Variants in ITGA11 observed in about 807,000 individuals in gnomAD.
ITGA11 encodes the protein integrin subunit alpha 11.
ITGA11 carries 97 observed loss-of-function variants against 141.9 expected under a neutral mutation model. The observed-to-expected ratio is 0.68, with a 90% CI of 0.58 to 0.81. The LOEUF (loss-of-function observed/expected upper bound fraction) is 0.81, where lower values mean the gene tolerates loss of function less well. Among genes scored for constraint, ITGA11 ranks in the 30% least tolerant of loss-of-function variants. The pLI, the probability that ITGA11 is intolerant of heterozygous loss-of-function variation, is 0.00. For synonymous variants in ITGA11, 658 were observed against 624.6 expected (o/e 1.05, Z -0.80); for missense variants, 1,387 against 1,559.2 (o/e 0.89, Z 1.86).
At chr15:68,378,418 G>T (rs1057170967) in intron 2 of ITGA11, among the ~76,000 whole-genome samples, 1 of 152,156 alleles carries the variant, frequency 6.6e-6, no homozygotes, top group South Asian at 2.1e-4. Context: ...GGTGAGGCAG[G>T]AGCATCAATT....
chr15:68,332,253 A>T, intron 13 of ITGA11, 85 bp downstream of exon 13: 1 of 1,467,264 alleles, frequency 6.8e-7, no homozygotes, highest in Non-Finnish European at 9.2e-7. Flanking sequence ...TGGCCTCGCT[A>T]GTAACGCATT....
intron 7 of ITGA11, among the ~76,000 whole-genome samples, chr15:68,354,999 C>T (rs1194673385): frequency 4.6e-5 from 7 of 152,340 alleles, no homozygotes; most frequent in East Asian, 1.9e-4. Context: ...GCAACCTCAG[C>T]GGTGCTCATG....
In ITGA11 at chr15:68,331,036, C is replaced by A. The variant is rs2140302185; in HGVS notation, c.1846G>T (p.Glu616Ter). 6.2e-7 allele frequency: 1 copy of A among 1,613,238 alleles called. No homozygotes were observed. Among genetic ancestry groups the A allele is most frequent in the Non-Finnish European group, 8.5e-7 (1 of 1,179,616 alleles). The change falls in exon 15 of 30, where the codon GAG (glutamate) becomes TAG (stop). Residue 616 changes from glutamate to a stop codon, truncating the protein, a stop_gained. Transcript: ENST00000315757. LOFTEE classifies it high-confidence loss of function. ...ACTGCCAGGTCGATGAGCCCATCCTCATTGAGGTCCAATTGCCCGTGGATG... is the reference window on the plus strand; with the variant it reads ...ACTGCCAGGTCGATGAGCCCATCCTAATTGAGGTCCAATTGCCCGTGGATG... ...CSIHGQLDLNEDGLIDLAVGA... is the reference protein window; with the variant it reads ...CSIHGQLDLN
At chr15:68,361,453 G>T in intron 5 of ITGA11, 137 bp downstream of exon 5, 1 of 624,622 alleles carries the variant, frequency 1.6e-6, no homozygotes, top group South Asian at 1.9e-5. Flanking sequence ...ATACATTCCA[G>T]GTCATCCGGA....
In ITGA11 at chr15:68,299,382, A is replaced by G. The variant is rs544939229; in HGVS notation, c.*3677T>C. ...CCTGGCTGTCCTTTGAGAAGAACCT[A>G]GTTGATGTTAATATTAACATAAAGA... On this transcript the variant is annotated 3_prime_UTR_variant, in exon 30 of 30. Coordinates refer to ENST00000315757, the MANE Select transcript of ITGA11 (RefSeq NM_001004439.2). 3 of 151,686 alleles carry G rather than the reference A, an allele frequency of 2.0e-5. No individual in the cohort carries two copies. Among genetic ancestry groups the G allele is most frequent in the African/African-American group, 7.3e-5 (3 of 41,348 alleles). The allele number at this position is 151,686 out of a possible 1,614,324, so 9.4% of individuals were successfully genotyped here.
intron 1 of ITGA11, among the ~76,000 whole-genome samples, chr15:68,424,770 A>T (rs1308536534): frequency 6.6e-6 from 1 of 152,268 alleles, no homozygotes; most frequent in Non-Finnish European, 1.5e-5. Context: ...TTTAAGTCCC[A>T]GCTTCTCAAG....
At chr15:68,416,714 G>C (rs1205926072) in intron 1 of ITGA11, among the ~76,000 whole-genome samples, 11 of 152,010 alleles carry the variant, frequency 7.2e-5, no homozygotes, top group African/African-American at 2.7e-4. Flanking sequence ...TCAGGAGTTC[G>C]AGACCAGCCT....
Position 68,326,583 on chromosome 15 carries a change from C to G in ITGA11, c.2211+71G>C. 6.8e-7 allele frequency: 1 copy of G among 1,473,224 alleles called. No homozygotes were observed. The highest frequency in any genetic ancestry group is 1.4e-5 in the African/African-American group (1 of 71,652). 91.3% of individuals were successfully genotyped at this position (1,473,224 alleles called of 1,614,324 possible). A position where few individuals can be genotyped will look rare whatever the true frequency, so the allele number is the denominator to read the frequency against. On this transcript the variant is annotated intron_variant, in intron 17 of 29. Transcript: ENST00000315757. This position sits in a 1 kb window ranked among gnomAD's most constrained non-coding sequence, Gnocchi z 6.8. The stretch of plus-strand genomic sequence containing the variant: ...GGGCTTAGAACCAGCCAGGCAGACT[C>G]TCTGCCTCTCCCACGGCAGATGCTC...
intron 12 of ITGA11, among the ~76,000 whole-genome samples, chr15:68,334,915 A>G (rs553785231): frequency 2.0e-5 from 3 of 152,192 alleles, no homozygotes; most frequent in Admixed American, 2.0e-4. Flanking sequence ...GATGGCCTGC[A>G]CCCAAGAGAC....
chr15:68,318,843 A>G (rs1277430248), intron 20 of ITGA11, among the ~76,000 whole-genome samples: 1 of 152,112 alleles, frequency 6.6e-6, no homozygotes, highest in Non-Finnish European at 1.5e-5. Flanking sequence ...GAGATCCTCG[A>G]GGACAGAGGC....
intron 1 of ITGA11, among the ~76,000 whole-genome samples, chr15:68,419,018 A>G (rs1037337287): frequency 1.4e-4 from 21 of 152,146 alleles, no homozygotes; most frequent in African/African-American, 4.1e-4. Context: ...CTTTGAATGC[A>G]AACTAAAAAA....
chr15:68,390,519 C>G (rs1033235495), intron 2 of ITGA11, among the ~76,000 whole-genome samples: 2 of 152,124 alleles, frequency 1.3e-5, no homozygotes, highest in Non-Finnish European at 2.9e-5. Flanking sequence ...CTAGAGTCCC[C>G]TGGGAAACTC....
chr15:68,398,100 C>G (rs955134589), intron 2 of ITGA11, among the ~76,000 whole-genome samples: 2,374 of 151,688 alleles, frequency 0.016, 61 homozygotes, highest in African/African-American at 0.054. Flanking sequence ...ATCAACTAAC[C>G]AGCAAAAGAA....
At position 68,411,475 on chromosome 15, in the gene ITGA11, G is replaced by C. The variant is rs201517806; in HGVS notation, c.53-8446C>G. On this transcript the variant is annotated intron_variant, in intron 1 of 29. Transcript: ENST00000315757. ...GGAGACCAGGTATGCCAGAAGGACA[G>C]AGCCAGAGTCCCAAGGGCTTAAAAG... Among the ~76,000 whole-genome samples the C allele has an allele frequency of 2.6e-5, 4 of 152,314 alleles. No homozygotes were observed. In the East Asian group the frequency reaches 5.8e-4, roughly 22 times the overall value.
intron 2 of ITGA11, among the ~76,000 whole-genome samples, chr15:68,384,319 A>C (rs1266016455): frequency 6.6e-6 from 1 of 152,040 alleles, no homozygotes; most frequent in Non-Finnish European, 1.5e-5. Context: ...GAGGAAAAAA[A>C]ATCACCCAAG....
chr15:68,400,809 T>TAATATTATATATTATATAATAAA lies in ITGA11; in HGVS notation c.164+2108_164+2109insTTTATTATATAATATATAATATT, dbSNP rs1566938724. 2.8e-4 allele frequency among the ~76,000 whole-genome samples: 9 copies of TAATATTATATATTATATAATAAA among 31,854 alleles called. 2 individuals are homozygous for TAATATTATATATTATATAATAAA. The highest frequency in any genetic ancestry group is 1.4e-3 in the African/African-American group (8 of 5,712). 20.9% of individuals were successfully genotyped at this position (31,854 alleles called of 152,430 possible). A position where few individuals can be genotyped will look rare whatever the true frequency, so the allele number is the denominator to read the frequency against. ...TATATTATATATTATATAATAAATA[T>TAATATTATATATTATATAATAAA]TATAATATTATATATTATATAATAA... On this transcript the variant is annotated intron_variant, in intron 2 of 29. Coordinates refer to ENST00000315757, the MANE Select transcript of ITGA11 (RefSeq NM_001004439.2).
chr15:68,336,418 C>T (rs1051174445), intron 11 of ITGA11, among the ~76,000 whole-genome samples: 1 of 152,102 alleles, frequency 6.6e-6, no homozygotes, highest in Non-Finnish European at 1.5e-5. Flanking sequence ...TTTGCAGACT[C>T]AAAGGTGGAA....
At chr15:68,399,885 C>T (rs563061171) in intron 2 of ITGA11, among the ~76,000 whole-genome samples, 4 of 152,050 alleles carry the variant, frequency 2.6e-5, no homozygotes, top group Admixed American at 2.0e-4. Context: ...TCACTTGTAC[C>T]CCAAACCTCC....
At chr15:68,408,608 C>A (rs1394713622) in intron 1 of ITGA11, among the ~76,000 whole-genome samples, 2 of 152,022 alleles carry the variant, frequency 1.3e-5, no homozygotes, top group Non-Finnish European at 2.9e-5. Context: ...GAGAGAAGGA[C>A]CCTGTGGGCT....
Sources: allele counts gnomAD v4.1 joint callset (sites outside exome capture counted in the v4.1 genomes callset), GRCh38; gene constraint gnomAD v4.1.1; non-coding constraint Gnocchi (gnomAD v3.1); transcripts MANE v1.5; gene names NCBI Gene and HGNC (gene_info 2026-07-23, HGNC 2026-07-21).